The following UBTF variants were observed in gnomAD, a reference collection of about 807,000 sequenced individuals.
The protein encoded by UBTF is nucleolar transcription factor 1.
In UBTF, 8 loss-of-function variants were observed where a neutral mutation model predicts 112.3. The observed-to-expected ratio is 0.07, with a 90% CI of 0.04 to 0.13. UBTF has a LOEUF of 0.13. Ranked by LOEUF, UBTF falls within the 10% of genes least tolerant of loss-of-function variation. The pLI, the probability that UBTF is intolerant of heterozygous loss-of-function variation, is 1.00. For synonymous variants in UBTF, 417 were observed against 373.1 expected (o/e 1.12, Z -1.36); for missense variants, 457 against 982.1 (o/e 0.47, Z 7.15).
upstream of UBTF, among the ~76,000 whole-genome samples, chr17:44,220,215 G>A (rs955123557): frequency 1.3e-5 from 2 of 151,926 alleles, no homozygotes; most frequent in African/African-American, 4.8e-5. Context: ...CTTCGCCGGC[G>A]AGGGAGGGCC....
At chr17:44,220,943 G>T (rs2047159465), upstream of UBTF, 1 of 144,418 alleles carries the variant, frequency 6.9e-6, no homozygotes, top group Admixed American at 6.8e-5. Flanking sequence ...GCCCGCCTCG[G>T]CGCAGCGCAG....
At chr17:44,215,486 G>T in intron 5 of UBTF, 168 bp downstream of exon 5, 1 of 782,550 alleles carries the variant, frequency 1.3e-6, no homozygotes, top group Non-Finnish European at 2.0e-6. Flanking sequence ...ACCATGTGTG[G>T]GCCGAGGAAG....
rs113172365 is a variant in UBTF at position 44,214,452 on chromosome 17, G to A, written c.475-1170C>T. Among the ~76,000 whole-genome samples, 52 of 152,350 alleles carry A rather than the reference G, an allele frequency of 3.4e-4. 2 individuals carry two copies. Among genetic ancestry groups the A allele is most frequent in the African/African-American group, 1.1e-3 (45 of 41,566 alleles). ...CCAGGAGAACAGGCCCAAGTCTTGT[G>A]TCCCCCAGGACAGCACCTTGTCCAC... On this transcript the variant is annotated intron_variant, in intron 5 of 20. Coordinates refer to ENST00000436088, the MANE Select transcript of UBTF (RefSeq NM_014233.4).
At chr17:44,216,398 G>T in intron 3 of UBTF, 131 bp downstream of exon 3, 2 of 1,084,862 alleles carry the variant, frequency 1.8e-6, no homozygotes, top group Non-Finnish European at 2.7e-6. Context: ...AAAGGGGCAG[G>T]TAGAGAGCTA....
chr17:44,215,859 G>C (rs1198663992), intron 4 of UBTF, 47 bp downstream of exon 4: 4 of 1,613,854 alleles, frequency 2.5e-6, no homozygotes, highest in Non-Finnish European at 3.4e-6. Flanking sequence ...TCCCTTCTTT[G>C]GACCTTTCCT....
At chr17:44,218,378 G>A (rs779439156) in intron 1 of UBTF, 82 bp from the exon 2 acceptor site, 55 of 764,174 alleles carry the variant, frequency 7.2e-5, no homozygotes, top group Non-Finnish European at 1.1e-4. Context: ...GAGTAGAAGG[G>A]GGCAGGTCCA....
intron 17 of UBTF, chr17:44,209,068 C>T: frequency 2.9e-6 from 1 of 345,124 alleles, no homozygotes; most frequent in Admixed American, 4.6e-5. Flanking sequence ...ACTCTGGAGG[C>T]TGTGGAAGGA....
In UBTF at chr17:44,212,703, C is replaced by A. The variant is rs182855262; in HGVS notation, c.660+116G>T. 2.6e-6 allele frequency: 4 copies of A among 1,538,604 alleles called. No homozygotes were observed. In the East Asian group the frequency reaches 6.8e-5, roughly 26 times the overall value. ...CCCGGGCCCTGTCCATGCAGCCCAC[C>A]CCTGGGGAGGGGCCTCCTCTCCTGC... On this transcript the variant is annotated intron_variant, in intron 7 of 20. Coordinates refer to ENST00000436088, the MANE Select transcript of UBTF (RefSeq NM_014233.4).
At chr17:44,214,211 A>G (rs1031642689) in intron 5 of UBTF, among the ~76,000 whole-genome samples, 3 of 152,218 alleles carry the variant, frequency 2.0e-5, no homozygotes, top group Non-Finnish European at 1.5e-5. Flanking sequence ...TTATAGAAGC[A>G]CCAGGCATAG....
At chr17:44,219,759 C>G (rs2047076408), upstream of UBTF, 1 of 154,406 alleles carries the variant, frequency 6.5e-6, no homozygotes, top group African/African-American at 2.4e-5. Flanking sequence ...GCCGCCGCAG[C>G]CTCAGCCGCC....
chr17:44,206,434 A>ACACT lies in UBTF; in HGVS notation c.*804_*807dup, dbSNP rs1218139296. On this transcript the variant is annotated 3_prime_UTR_variant, in exon 21 of 21. Transcript: ENST00000436088. ...CCTTTACACACACACACACACACTC[A>ACACT]CACTCTTTTGCACACATCCACAGCT... 1 of 151,492 alleles carries ACACT rather than the reference A, an allele frequency of 6.6e-6. No individual in the cohort carries two copies. The highest frequency in any genetic ancestry group is 2.5e-5 in the African/African-American group (1 of 40,806). 9.4% of individuals were successfully genotyped at this position (151,492 alleles called of 1,614,324 possible). A position where few individuals can be genotyped will look rare whatever the true frequency, so the allele number is the denominator to read the frequency against.
Position 44,207,167 on chromosome 17 carries a change from G to A in UBTF, c.*75C>T, listed in dbSNP as rs745931206. 2 of 1,552,198 alleles carry A rather than the reference G, an allele frequency of 1.3e-6. No homozygotes were observed. The highest frequency in any genetic ancestry group is 1.1e-5 in the South Asian group (1 of 88,686). Reference sequence around the variant, plus strand: ...CAGGGGGGCAAGGGACAGAACATGGGGGAGAAACAAAGGTGGTCAGTTGGG... The same window carrying A: ...CAGGGGGGCAAGGGACAGAACATGGAGGAGAAACAAAGGTGGTCAGTTGGG... On this transcript the variant is annotated 3_prime_UTR_variant, in exon 21 of 21. Transcript: ENST00000436088.
chr17:44,210,598 G>C (rs2056600278), intron 13 of UBTF, 125 bp from the exon 14 acceptor site: 3 of 1,398,492 alleles, frequency 2.1e-6, no homozygotes, highest in African/African-American at 3.0e-5. Flanking sequence ...CTCCCGCCTG[G>C]GGCTCGCCCC....
At position 44,206,860 on chromosome 17, in the gene UBTF, C is replaced by T; in HGVS notation, c.*382G>A. ...GGGTCTTCCCCAAGCTTCCACCCCACCTTGGATTGGGCCGCAGGTGTGGAG... is the reference window on the plus strand; with the variant it reads ...GGGTCTTCCCCAAGCTTCCACCCCATCTTGGATTGGGCCGCAGGTGTGGAG... On this transcript the variant is annotated 3_prime_UTR_variant, in exon 21 of 21. Transcript: ENST00000436088. The T allele has an allele frequency of 3.3e-6, 1 of 307,192 alleles. No individual in the cohort carries two copies. Among genetic ancestry groups the T allele is most frequent in the East Asian group, 5.5e-5 (1 of 18,080 alleles). The allele number at this position is 307,192 out of a possible 1,614,324, so 19.0% of individuals were successfully genotyped here. A position where few individuals can be genotyped will look rare whatever the true frequency, so the allele number is the denominator to read the frequency against.
rs1318920699 is a variant in UBTF at position 44,205,835 on chromosome 17, A to G, written c.*1407T>C. 2.0e-5 allele frequency: 3 copies of G among 152,258 alleles called. 1 individual carries two copies. The highest frequency in any genetic ancestry group is 2.9e-5 in the Non-Finnish European group (2 of 68,040). 9.4% of individuals were successfully genotyped at this position (152,258 alleles called of 1,614,324 possible). A position where few individuals can be genotyped will look rare whatever the true frequency, so the allele number is the denominator to read the frequency against. On this transcript the variant is annotated 3_prime_UTR_variant, in exon 21 of 21. Coordinates refer to ENST00000436088, the MANE Select transcript of UBTF (RefSeq NM_014233.4). ...CTACAGAGATAAGGTGGCTTGGCTT[A>G]TTAAGAGTCAAGGAATCAAGGTACC... is the stretch of plus-strand genomic sequence containing the variant.
At chr17:44,209,182 AAAT>A in intron 17 of UBTF, 167 bp downstream of exon 17, 1 of 683,328 alleles carries the variant, frequency 1.5e-6, no homozygotes, top group South Asian at 2.9e-5. Flanking sequence ...ATAAAAAAAA[AAAT>A]AAAAATAAAA....
In UBTF at chr17:44,212,809, G is replaced by A. The variant is rs768263538; in HGVS notation, c.660+10C>T. 59 of 1,613,464 alleles carry A rather than the reference G, an allele frequency of 3.7e-5. 1 individual carries two copies. The highest frequency in any genetic ancestry group is 3.6e-4 in the South Asian group (33 of 91,002). On this transcript the variant is annotated intron_variant, in intron 7 of 20. Transcript: ENST00000436088. ...CATCCTCCACCCCCAACCCTTGGCC[G>A]GACACTCACATCTGGCCGCACTTTG...
At position 44,207,229 on chromosome 17, in the gene UBTF, G is replaced by T. The variant is rs377318867; in HGVS notation, c.*13C>A. The T allele has an allele frequency of 1.2e-6, 2 of 1,613,280 alleles. No individual in the cohort carries two copies. Among genetic ancestry groups the T allele is most frequent in the African/African-American group, 2.7e-5 (2 of 74,888 alleles). On this transcript the variant is annotated 3_prime_UTR_variant, in exon 21 of 21. Transcript: ENST00000436088. ...CTGGGCTCTCCCTGGCTGCCCTGGG[G>T]TGGGGCTGAGCCTCAGTTGGAGTCA...
chr17:44,209,757 A>AC (rs1166352105), intron 15 of UBTF, 24 bp from the exon 16 acceptor site: 3 of 1,609,718 alleles, frequency 1.9e-6, no homozygotes, highest in African/African-American at 1.3e-5. Flanking sequence ...GGTCACGCTC[A>AC]CCCCCCAGTC....
Sources: allele counts gnomAD v4.1 joint callset (sites outside exome capture counted in the v4.1 genomes callset), GRCh38; gene constraint gnomAD v4.1.1; transcripts MANE v1.5; gene names NCBI Gene and HGNC (gene_info 2026-07-23, HGNC 2026-07-21).